The following CHPF variants were observed in gnomAD, a reference collection of about 807,000 sequenced individuals.
The protein encoded by CHPF is chondroitin polymerizing factor.
CHPF carries 34 observed loss-of-function variants against 55.1 expected under a neutral mutation model. The ratio of observed to expected loss-of-function variants is 0.62; its 90% CI spans 0.47 to 0.82. CHPF has a LOEUF of 0.82. CHPF is among the 40% of genes least tolerant of loss of function. The pLI, the probability that CHPF is intolerant of heterozygous loss-of-function variation, is 0.00. For missense variants in CHPF, 961 were observed against 1,106.1 expected, an observed-to-expected ratio of 0.87 and a Z score of 1.86; for synonymous variants, 489 against 496.6, an observed-to-expected ratio of 0.98 and a Z score of 0.20.
At position 219,539,033 on chromosome 2, in the gene CHPF, A is replaced by G. The variant is rs1479472125; in HGVS notation, c.*350T>C. On this transcript the variant is annotated 3_prime_UTR_variant, in exon 4 of 4. Transcript: ENST00000243776. ...AGAAGTTGGGAGATGCCCCCTCCTC[A>G]GCTCCCTCCTTCCCCAACAACTCTT... is the stretch of plus-strand genomic sequence containing the variant. The G allele has an allele frequency of 1.6e-5, 4 of 243,604 alleles. No homozygotes were observed. The highest frequency in any genetic ancestry group is 3.2e-5 in the Non-Finnish European group (4 of 126,454). The allele number at this position is 243,604 out of a possible 1,614,324, so 15.1% of individuals were successfully genotyped here.
Position 219,541,980 on chromosome 2 carries a change from C to T in CHPF, c.524G>A (p.Gly175Glu), listed in dbSNP as rs1695279715. Residue 175 changes from glycine (G) to glutamate (E), a missense_variant, in exon 2 of 4, where the codon GGA becomes GAA. Physicochemically the swap from Gly to Glu is moderately conservative, Grantham distance 98. Around this residue, in one of 3 missense-constraint regions of CHPF, gnomAD observed 936 missense variants for 1,058.4 expected, o/e 0.88. Coordinates refer to ENST00000243776, the MANE Select transcript of CHPF (RefSeq NM_024536.6). The stretch of plus-strand genomic sequence containing the variant: ...GTGGCGCAGCGCCAGGTGCAGGTGT[C>T]CAATGGGTCGCTCCTCGCCTAGCGT... The part of the protein sequence containing the change: ...VVTLGEERPI[G>E]HLHLALRHLL... 1 of 1,609,818 alleles carries T rather than the reference C, an allele frequency of 6.2e-7. No individual in the cohort carries two copies. The highest frequency in any genetic ancestry group is 1.7e-5 in the Admixed American group (1 of 59,624).
chr2:219,542,181 T>C lies in CHPF; in HGVS notation c.323A>G (p.Tyr108Cys). The C allele has an allele frequency of 8.3e-7, 1 of 1,209,654 alleles. No individual in the cohort carries two copies. Among genetic ancestry groups the C allele is most frequent in the Non-Finnish European group, 1.0e-6 (1 of 957,036 alleles). The allele number at this position is 1,209,654 out of a possible 1,614,324, so 74.9% of individuals were successfully genotyped here. ...QAAKKAVRTR[Y>C]ISTELGIRQR... is the part of the protein sequence containing the mutation. ...CCTGATGCCCAGCTCCGTGCTGATG[T>C]AGCGGGTCCTAGGGGAGGAGATGGC... Residue 108 changes from tyrosine (Y) to cysteine (C), a missense_variant, in exon 2 of 4, where the codon TAC (tyrosine) becomes TGC (cysteine). Physicochemically the swap from Tyr to Cys is radical, Grantham distance 194 (BLOSUM62 -2). Coordinates refer to ENST00000243776, the MANE Select transcript of CHPF (RefSeq NM_024536.6).
In CHPF at chr2:219,543,550, C is replaced by A. The variant is rs1158842749; in HGVS notation, c.-12G>T. Reference sequence around the variant, plus strand: ...AGCGATGCCCGCATGGCGCCCGGACCGCGGGTCCCCGGCCCCGGCGAACCC... The same window carrying A: ...AGCGATGCCCGCATGGCGCCCGGACAGCGGGTCCCCGGCCCCGGCGAACCC... On this transcript the variant is annotated 5_prime_UTR_variant, in exon 1 of 4. Coordinates refer to ENST00000243776, the MANE Select transcript of CHPF (RefSeq NM_024536.6). 7.5e-7 allele frequency: 1 copy of A among 1,325,920 alleles called. No homozygotes were observed. The highest frequency in any genetic ancestry group is 9.6e-7 in the Non-Finnish European group (1 of 1,042,524). 82.1% of individuals were successfully genotyped at this position (1,325,920 alleles called of 1,614,324 possible). A position where few individuals can be genotyped will look rare whatever the true frequency, so the allele number is the denominator to read the frequency against.
In CHPF at chr2:219,541,878, A is replaced by C. The variant is rs1368389865; in HGVS notation, c.626T>G (p.Leu209Arg). The change falls in exon 2 of 4, where the codon CTG becomes CGG. Residue 209 changes from leucine to arginine, a missense_variant. Coordinates refer to ENST00000243776, the MANE Select transcript of CHPF (RefSeq NM_024536.6). ...GCTGAGGTGGCCAGTTAGGCGTGCC[A>C]GGCCGTGCGCCTCGGTGTAGGTGGT... ...PDTTYTEAHG[L>R]ARLTGHLSLA... The C allele has an allele frequency of 1.2e-6, 2 of 1,613,042 alleles. No homozygotes were observed. The highest frequency in any genetic ancestry group is 8.5e-7 in the Non-Finnish European group (1 of 1,179,730).
chr2:219,541,558 C>T (rs1695268903), intron 2 of CHPF, 58 bp downstream of exon 2: 19 of 1,357,012 alleles, frequency 1.4e-5, no homozygotes, highest in Non-Finnish European at 1.7e-5. Flanking sequence ...ATCCCTTTGC[C>T]TCTCAGAGGG....
intron 1 of CHPF, chr2:219,542,850 G>A (rs1446144267): frequency 9.7e-7 from 1 of 1,032,070 alleles, no homozygotes; most frequent in Non-Finnish European, 1.2e-6. Context: ...ACCCACTCAG[G>A]AACAAGAGAT....
At chr2:219,542,742 C>A (rs1005254502) in intron 1 of CHPF, among the ~76,000 whole-genome samples, 1 of 152,120 alleles carries the variant, frequency 6.6e-6, no homozygotes, top group African/African-American at 2.4e-5. Flanking sequence ...GCATTTGAAC[C>A]CAATGTTACT....
Position 219,540,633 on chromosome 2 carries a change from G to A in CHPF, c.1078C>T (p.Gln360Ter), listed in dbSNP as rs1476933252. ...TCAACGGCCAGATGGCTGGTATTCT[G>A]GATCTCCCACTGGATCAGAGAAACA... is the stretch of plus-strand genomic sequence containing the variant. ...QEIQELQWEI[Q>*]NTSHLAVDGD... The change falls in exon 4 of 4, where the codon CAG becomes TAG. Residue 360 changes from glutamine (Q) to a stop codon, truncating the protein, a stop_gained. Coordinates refer to ENST00000243776, the MANE Select transcript of CHPF (RefSeq NM_024536.6). LOFTEE classifies it high-confidence loss of function. The A allele has an allele frequency of 6.3e-7, 1 of 1,596,826 alleles. No individual in the cohort carries two copies. Among genetic ancestry groups the A allele is most frequent in the Non-Finnish European group, 8.5e-7 (1 of 1,171,992 alleles).
In CHPF at chr2:219,539,823, T is replaced by C. The variant is rs776427644; in HGVS notation, c.1888A>G (p.Met630Val). 1.9e-6 allele frequency: 3 copies of C among 1,613,568 alleles called. No individual in the cohort carries two copies. The highest frequency in any genetic ancestry group is 4.5e-5 in the East Asian group (2 of 44,878). The change falls in exon 4 of 4, where the codon ATG (methionine) becomes GTG (valine). Residue 630 changes from methionine to valine, a missense_variant. Coordinates refer to ENST00000243776, the MANE Select transcript of CHPF (RefSeq NM_024536.6). ...LTPDFLNRCR[M>V]HAISGWQAFF... ...GCCTGCCAGCCGGAGATGGCATGCA[T>C]GCGGCAGCGGTTCAGGAAGTCAGGC...
At position 219,539,785 on chromosome 2, in the gene CHPF, C is replaced by T. The variant is rs142262640; in HGVS notation, c.1926G>A (p.Met642Ile). 32 of 1,613,366 alleles carry T rather than the reference C, an allele frequency of 2.0e-5. No homozygotes were observed. In the African/African-American group the frequency reaches 3.9e-4, roughly 20 times the overall value. ...AISGWQAFFP[M>I]HFQAFHPAVA... ...CAGCTGGGTGGAAGGCTTGGAAATG[C>T]ATGGGAAAGAAGGCCTGCCAGCCGG... Residue 642 changes from methionine (M) to isoleucine (I), a missense_variant, in exon 4 of 4, where the codon ATG becomes ATA. Transcript: ENST00000243776.
chr2:219,542,064 C>T lies in CHPF; in HGVS notation c.440G>A (p.Arg147His). The change falls in exon 2 of 4, where the codon CGT becomes CAT. Residue 147 changes from arginine to histidine, a missense_variant. By Grantham distance (29) the Arg-to-His change is conservative. Around this residue, in one of 3 missense-constraint regions of CHPF, gnomAD observed 936 missense variants for 1,058.4 expected, o/e 0.88. Transcript: ENST00000243776. ...VNRTLGHRLE[R>H]VVFLTGARGR... is the part of the protein sequence containing the mutation. ...CCGTGCGCCCGTCAGGAACACCACA[C>T]GCTCCAGCCGGTGCCCCAGCGTGCG... 1.3e-6 allele frequency: 2 copies of T among 1,574,724 alleles called. No homozygotes were observed. The highest frequency in any genetic ancestry group is 1.7e-6 in the Non-Finnish European group (2 of 1,165,722).
In CHPF at chr2:219,541,058, C is replaced by T. The variant is rs527954030; in HGVS notation, c.956G>A (p.Arg319Gln). 1.4e-5 allele frequency: 22 copies of T among 1,613,654 alleles called. No individual in the cohort carries two copies. Among genetic ancestry groups the T allele is most frequent in the African/African-American group, 6.7e-5 (5 of 75,026 alleles). The change falls in exon 3 of 4, where the codon CGA becomes CAA. Residue 319 changes from arginine (R) to glutamine (Q), a missense_variant. By Grantham distance (43) the Arg-to-Gln change is conservative. Transcript: ENST00000243776. The part of the protein sequence containing the change: ...EPVQEGDPHF[R>Q]SALTAHPVRD... ...CACAGGGTGGGCTGTCAGGGCACTT[C>T]GGAAATGAGGGTCCCCCTCCTGCAC...
At chr2:219,541,290 C>T (rs529006118) in intron 2 of CHPF, among the ~76,000 whole-genome samples, 165 bp from the exon 3 acceptor site, 1 of 152,334 alleles carries the variant, frequency 6.6e-6, no homozygotes, top group South Asian at 2.1e-4. Context: ...AGCATGCCTC[C>T]GCTAGCTCAT....
rs1233591003 is a variant in CHPF at position 219,543,688 on chromosome 2, C to T, written c.-150G>A. 7.9e-6 allele frequency: 4 copies of T among 506,118 alleles called. No individual in the cohort carries two copies. In the African/African-American group the frequency reaches 8.1e-5, roughly 10 times the overall value. The allele number at this position is 506,118 out of a possible 1,614,324, so 31.4% of individuals were successfully genotyped here. On this transcript the variant is annotated 5_prime_UTR_variant, in exon 1 of 4. Coordinates refer to ENST00000243776, the MANE Select transcript of CHPF (RefSeq NM_024536.6). ...CTCCCCGCAGAGCAGAGCCAGCGGC[C>T]CGAGCCGAATCCCCGGAGCCGCGCC...
Position 219,540,337 on chromosome 2 carries a change from G to C in CHPF, c.1374C>G (p.Ala458=). 1 of 1,613,978 alleles carries C rather than the reference G, an allele frequency of 6.2e-7. No individual in the cohort carries two copies. Among genetic ancestry groups the C allele is most frequent in the Non-Finnish European group, 8.5e-7 (1 of 1,179,980 alleles). The change falls in exon 4 of 4, where the codon GCC becomes GCG. Residue 458 remains alanine (A), a synonymous_variant. Transcript: ENST00000243776. ...LVNGYRRFDP[A]RGMEYTLDLQ... ...AGTCCAGCGTGTATTCCATACCCCG[G>C]GCCGGATCAAAGCGTCGGTAGCCAT...
In CHPF at chr2:219,539,512, G is replaced by A. The variant is rs759070913; in HGVS notation, c.2199C>T (p.Ala733=). Residue 733 remains alanine, a synonymous_variant, in exon 4 of 4, where the codon GCC becomes GCT. Coordinates refer to ENST00000243776, the MANE Select transcript of CHPF (RefSeq NM_024536.6). ...CACTGAGCCTCGCGCTGCACGTCTG[G>A]GCCCGGTAGCGCTGCAGCAGCGCCG... ...VEPALLQRYR[A]QTCSARLSED... 1.4e-5 allele frequency: 23 copies of A among 1,613,650 alleles called. No individual in the cohort carries two copies. In the Admixed American group the frequency reaches 2.2e-4, roughly 15 times the overall value.
In CHPF at chr2:219,543,770, G is replaced by C; in HGVS notation, c.-232C>G. 2.1e-6 allele frequency: 1 copy of C among 468,044 alleles called. No homozygotes were observed. The highest frequency in any genetic ancestry group is 3.5e-5 in the East Asian group (1 of 28,946). The allele number at this position is 468,044 out of a possible 1,614,324, so 29.0% of individuals were successfully genotyped here. A position where few individuals can be genotyped will look rare whatever the true frequency, so the allele number is the denominator to read the frequency against. ...CGCAGGGTTCTTGCGCTCGGCACTG[G>C]AGCCTCAGCCGCGGCCGCAGCTGTC... On this transcript the variant is annotated 5_prime_UTR_variant, in exon 1 of 4. Coordinates refer to ENST00000243776, the MANE Select transcript of CHPF (RefSeq NM_024536.6).
rs138908715 is a variant in CHPF at position 219,540,211 on chromosome 2, G to C, written c.1500C>G (p.Pro500=). The C allele has an allele frequency of 8.1e-6, 13 of 1,613,216 alleles. No homozygotes were observed. In the African/African-American group the frequency reaches 1.7e-4, roughly 22 times the overall value. The change falls in exon 4 of 4, where the codon CCC becomes CCG. Residue 500 remains proline, a synonymous_variant. Transcript: ENST00000243776. ...TGAGACGTGAGGCCTCAGTGACATA[G>C]GGCACAGGCAAGATCTCCACGCGGC... ...PLSRVEILPV[P]YVTEASRLTV...
rs956637515 is a variant in CHPF at position 219,539,238 on chromosome 2, C to T, written c.*145G>A. 1.3e-6 allele frequency: 1 copy of T among 764,348 alleles called. No individual in the cohort carries two copies. Among genetic ancestry groups the T allele is most frequent in the Non-Finnish European group, 2.1e-6 (1 of 486,562 alleles). The allele number at this position is 764,348 out of a possible 1,614,324, so 47.3% of individuals were successfully genotyped here. On this transcript the variant is annotated 3_prime_UTR_variant, in exon 4 of 4. Transcript: ENST00000243776. ...AGTGCTTGTCCAGAGCCCAGGGACC[C>T]ACAGAGCCAGAGAGGGGACCAGTGG...
Sources: gnomAD v4.1 joint callset for allele counts (sites outside exome capture counted in the v4.1 genomes callset) on GRCh38, gnomAD v4.1.1 for gene constraint, gnomAD v4.1.1 regional missense constraint, MANE v1.5 for transcripts, NCBI Gene and HGNC (gene_info 2026-07-23, HGNC 2026-07-21) for gene names.